Variants in ADGRV1 observed in about 807,000 individuals in gnomAD.
ADGRV1 encodes adhesion G protein-coupled receptor V1, also known as G-protein coupled receptor 98.
ADGRV1 carries 359 observed loss-of-function variants against 596.2 expected under a neutral mutation model. The ratio of observed to expected loss-of-function variants is 0.60; its 90% CI spans 0.55 to 0.66. The LOEUF (loss-of-function observed/expected upper bound fraction) is 0.66, where lower values mean the gene tolerates loss of function less well. Among genes scored for constraint, ADGRV1 ranks in the 30% least tolerant of loss-of-function variants. ADGRV1 has a pLI of 0.00. For missense variants in ADGRV1, 7,274 were observed against 7,575.6 expected, an observed-to-expected ratio of 0.96 and a Z score of 1.48; for synonymous variants, 2,681 against 2,679.2, an observed-to-expected ratio of 1.00 and a Z score of -0.02.
intron 87 of ADGRV1, among the ~76,000 whole-genome samples, chr5:91,136,216 A>G (rs1313981609): frequency 6.6e-6 from 1 of 152,164 alleles, no homozygotes; most frequent in African/African-American, 2.4e-5. Context: ...CCACTGAAAC[A>G]TTAACACCTC....
intron 4 of ADGRV1, among the ~76,000 whole-genome samples, chr5:90,621,774 G>A (rs1764109903): frequency 6.6e-6 from 1 of 152,040 alleles, no homozygotes; most frequent in Non-Finnish European, 1.5e-5. Flanking sequence ...GTGCTCAATA[G>A]GCTGGCTTTG....
In ADGRV1 at chr5:90,691,060, A is replaced by G. The variant is rs1262830142; in HGVS notation, c.6951+19A>G. ...TGAAGAGGTGAGAGGACTGGCTAGT[A>G]TAGAATGACACTGTAAATCATACCG... On this transcript the variant is annotated intron_variant, in intron 31 of 89. Transcript: ENST00000405460. 3.1e-6 allele frequency: 5 copies of G among 1,613,414 alleles called. No individual in the cohort carries two copies. The East Asian group carries it at 8.9e-5, about 29-fold the overall frequency.
At chr5:90,813,030 G>A (rs1202987606) in intron 74 of ADGRV1, among the ~76,000 whole-genome samples, 1 of 149,240 alleles carries the variant, frequency 6.7e-6, no homozygotes, top group East Asian at 2.0e-4. Flanking sequence ...CTACTCGGGA[G>A]GCTGAGGCAG....
At chr5:90,628,990 A>G (rs1765155423) in intron 8 of ADGRV1, 158 bp downstream of exon 8, 1 of 739,062 alleles carries the variant, frequency 1.4e-6, no homozygotes, top group Non-Finnish European at 2.1e-6. Context: ...TCCTTCTGAA[A>G]ATAAATATTT....
chr5:90,809,763 A>G (rs1236598618), intron 73 of ADGRV1, among the ~76,000 whole-genome samples: 1 of 152,222 alleles, frequency 6.6e-6, no homozygotes, highest in Non-Finnish European at 1.5e-5. Flanking sequence ...TCATACATAA[A>G]GTTTTAGCCA....
At chr5:90,588,053 C>T (rs2151989033) in intron 1 of ADGRV1, among the ~76,000 whole-genome samples, 1 of 151,896 alleles carries the variant, frequency 6.6e-6, no homozygotes, top group Non-Finnish European at 1.5e-5. Flanking sequence ...CTGTATTTGT[C>T]CTTAGAATTT....
chr5:90,778,997 G>A lies in ADGRV1; in HGVS notation c.12982G>A (p.Glu4328Lys), dbSNP rs182452385. ...AGGGGAGCTCCTCTTTGAAGCAGGG[G>A]AGATGAGGAAAAGTCTGCATGTTGA... The part of the protein sequence containing the change: ...AAGELLFEAG[E>K]MRKSLHVEIL... Residue 4328 changes from glutamate (E) to lysine (K), a missense_variant, in exon 64 of 90, where the codon GAG (glutamate) becomes AAG (lysine). Glu to Lys is a moderately conservative substitution (Grantham distance 56). Transcript: ENST00000405460. 40 of 1,613,462 alleles carry A rather than the reference G, an allele frequency of 2.5e-5. No individual in the cohort carries two copies. The African/African-American group carries it at 4.9e-4, about 20-fold the overall frequency.
At chr5:90,632,141 T>G (rs940773627) in intron 9 of ADGRV1, among the ~76,000 whole-genome samples, 1 of 152,170 alleles carries the variant, frequency 6.6e-6, no homozygotes, top group South Asian at 2.1e-4. Flanking sequence ...AAGGGCTTTT[T>G]TTGGGATTTT....
At chr5:90,899,630 T>G (rs4916829) in intron 83 of ADGRV1, among the ~76,000 whole-genome samples, 39,825 of 152,084 alleles carry the variant, frequency 0.26, 5,699 homozygotes, top group Non-Finnish European at 0.32. Flanking sequence ...TTTCTCCCTC[T>G]GCCTCATCCC....
intron 83 of ADGRV1, among the ~76,000 whole-genome samples, chr5:90,885,849 A>G (rs1770229830): frequency 6.6e-6 from 1 of 151,758 alleles, no homozygotes; most frequent in Non-Finnish European, 1.5e-5. Flanking sequence ...AGGCTACTGC[A>G]TGTAACATGA....
intron 83 of ADGRV1, among the ~76,000 whole-genome samples, chr5:90,928,505 G>A (rs1379948814): frequency 1.3e-5 from 2 of 149,550 alleles, no homozygotes; most frequent in Non-Finnish European, 2.9e-5. Context: ...GCAGTTCCCT[G>A]TATTGCTTAT....
At chr5:90,611,440 G>A (rs1000191045) in intron 1 of ADGRV1, among the ~76,000 whole-genome samples, 2 of 151,844 alleles carry the variant, frequency 1.3e-5, no homozygotes, top group Non-Finnish European at 2.9e-5. Context: ...GGGATATAGT[G>A]GAAGAAAGAG....
intron 20 of ADGRV1, 171 bp downstream of exon 20, chr5:90,654,123 C>T: frequency 1.4e-6 from 1 of 720,990 alleles, no homozygotes; most frequent in Non-Finnish European, 2.3e-6. Flanking sequence ...GAAATTCTGT[C>T]CTGAGTGTTA....
At chr5:90,665,537 T>A (rs1455151732) in intron 21 of ADGRV1, among the ~76,000 whole-genome samples, 6 of 151,442 alleles carry the variant, frequency 4.0e-5, no homozygotes, top group South Asian at 2.1e-4. Flanking sequence ...GCGGTCTATT[T>A]ATTTTGTCGA....
chr5:90,695,128 A>G (rs993273208), intron 33 of ADGRV1, among the ~76,000 whole-genome samples: 1 of 152,200 alleles, frequency 6.6e-6, no homozygotes, highest in Non-Finnish European at 1.5e-5. Context: ...CATATGCACT[A>G]GACAAATCAG....
At position 90,694,369 on chromosome 5, in the gene ADGRV1, T is replaced by C; in HGVS notation, c.7613T>C (p.Phe2538Ser). The stretch of plus-strand genomic sequence containing the variant: ...GATTTCCCAGAGATGGATGAGAGTT[T>C]TCTAATTTCTCTCCTTGAAGTTCAC... The part of the protein sequence containing the change: ...PDDFPEMDES[F>S]LISLLEVHLM... The change falls in exon 33 of 90, where the codon TTT becomes TCT. Residue 2538 changes from phenylalanine (F) to serine (S), a missense_variant. Phe to Ser is a radical substitution (Grantham distance 155, BLOSUM62 -2). This residue lies in a region of ADGRV1 where 3,643 missense variants were observed against 3,809.2 expected (regional missense o/e 0.96). Transcript: ENST00000405460. 6.2e-7 allele frequency: 1 copy of C among 1,614,008 alleles called. No homozygotes were observed. Among genetic ancestry groups the C allele is most frequent in the Non-Finnish European group, 8.5e-7 (1 of 1,179,886 alleles).
At chr5:90,697,303 A>G (rs997736806) in intron 34 of ADGRV1, among the ~76,000 whole-genome samples, 157 bp downstream of exon 34, 4 of 152,114 alleles carry the variant, frequency 2.6e-5, no homozygotes, top group Non-Finnish European at 4.4e-5. Context: ...AGGCTTTATA[A>G]TGAACTGTTT....
At chr5:91,151,984 T>A (rs1213868969) in intron 88 of ADGRV1, among the ~76,000 whole-genome samples, 1 of 152,252 alleles carries the variant, frequency 6.6e-6, no homozygotes, top group African/African-American at 2.4e-5. Flanking sequence ...CACCCTGTGT[T>A]GATAGGCAGT....
chr5:90,669,642 A>G (rs979617492), intron 21 of ADGRV1, among the ~76,000 whole-genome samples: 1 of 152,246 alleles, frequency 6.6e-6, no homozygotes, highest in African/African-American at 2.4e-5. Flanking sequence ...AATGAGCATT[A>G]TCTAAAATTG....
Sources: gnomAD v4.1 joint callset for allele counts (sites outside exome capture counted in the v4.1 genomes callset) on GRCh38, gnomAD v4.1.1 for gene constraint, gnomAD v4.1.1 regional missense constraint, MANE v1.5 for transcripts, NCBI Gene and HGNC (gene_info 2026-07-23, HGNC 2026-07-21) for gene names.